Variants in WRAP53 observed in about 807,000 individuals in gnomAD.
WRAP53 encodes the protein WD repeat containing antisense to TP53.
A neutral mutation model predicts 56.6 loss-of-function variants in WRAP53; 28 were observed. That is an observed-to-expected ratio of 0.50 (90% CI 0.37 to 0.68). The LOEUF is 0.68. Ranked by LOEUF, WRAP53 falls within the 30% of genes least tolerant of loss-of-function variation. The probability of loss-of-function intolerance (pLI) is 0.00; values close to 1 mark genes in which losing one functional copy is unlikely to be tolerated. For synonymous variants in WRAP53, 283 were observed against 283.4 expected (o/e 1.00, Z 0.01); for missense variants, 671 against 715.5 (o/e 0.94, Z 0.71).
At chr17:7,686,592 G>T (rs1345024098), upstream of WRAP53, 1 of 152,234 alleles carries the variant, frequency 6.6e-6, no homozygotes, top group Non-Finnish European at 1.5e-5. Context: ...CGGCCTAAAG[G>T]ACATTTTCTC....
Position 7,688,581 on chromosome 17 carries a change from C to T in WRAP53, c.-2+20C>T. On this transcript the variant is annotated intron_variant, in intron 1 of 10. Transcript: ENST00000396463. ...GCACAGGTGGGTTTCTTTAGCTCTG[C>T]GTCGGATCCCTGAGAACTTCGAAGC... 6.4e-7 allele frequency: 1 copy of T among 1,569,264 alleles called. No homozygotes were observed. The highest frequency in any genetic ancestry group is 8.7e-7 in the Non-Finnish European group (1 of 1,151,086).
In WRAP53 at chr17:7,703,062, C is replaced by A; in HGVS notation, c.1338C>A (p.Gly446=). 6.2e-7 allele frequency: 1 copy of A among 1,614,068 alleles called. No individual in the cohort carries two copies. Residue 446 remains glycine, a synonymous_variant, in exon 10 of 11, where the codon GGC becomes GGA. Coordinates refer to ENST00000396463, the MANE Select transcript of WRAP53 (RefSeq NM_001143992.2). ...AVSVWDTDGP[G]NDGKPEPVLS... ...CTGTGTGGGACACGGACGGGCCTGG[C>A]AATGATGGGAAGCCGGAGCCCGTGT...
Position 7,703,048 on chromosome 17 carries a change from A to G in WRAP53, c.1324A>G (p.Thr442Ala), listed in dbSNP as rs2074296761. Reference sequence around the variant, plus strand: ...GAGCGGGGCTGTCTCTGTGTGGGACACGGACGGGCCTGGCAATGATGGGAA... The same window carrying G: ...GAGCGGGGCTGTCTCTGTGTGGGACGCGGACGGGCCTGGCAATGATGGGAA... ...STSGAVSVWD[T>A]DGPGNDGKPE... Residue 442 changes from threonine to alanine, a missense_variant, in exon 10 of 11, where the codon ACG becomes GCG. By Grantham distance (58) the Thr-to-Ala change is moderately conservative. Transcript: ENST00000396463. 1 of 1,613,976 alleles carries G rather than the reference A, an allele frequency of 6.2e-7. No homozygotes were observed. Among genetic ancestry groups the G allele is most frequent in the Non-Finnish European group, 8.5e-7 (1 of 1,180,016 alleles).
intron 4 of WRAP53, among the ~76,000 whole-genome samples, chr17:7,691,833 G>C (rs1296139267): frequency 6.9e-6 from 1 of 145,568 alleles, no homozygotes; most frequent in African/African-American, 2.7e-5. Context: ...CCATGAGAGA[G>C]GTTTTTTTTG....
rs1348320517 is a variant in WRAP53, at chr17:7,699,442, ATATATATATATATATT to A, written c.643-1283_643-1268del. On this transcript the variant is annotated intron_variant, in intron 4 of 10. Transcript: ENST00000396463. ...CTTTAAAATTAAAAAAAAAAAATTTATATATATATATATATTTATATATATATATATATTTATATAT... is the reference window on the plus strand; with the variant it reads ...CTTTAAAATTAAAAAAAAAAAATTTATATATATATATATATATTTATATAT... 5.2e-3 allele frequency among the ~76,000 whole-genome samples: 337 copies of A among 65,372 alleles called. 5 individuals are homozygous for A. Among genetic ancestry groups the A allele is most frequent in the African/African-American group, 0.018 (238 of 13,504 alleles). 42.9% of individuals were successfully genotyped at this position (65,372 alleles called of 152,430 possible).
Position 7,688,786 on chromosome 17 carries a change from A to T in WRAP53, c.138A>T (p.Glu46Asp), listed in dbSNP as rs142177444. The change falls in exon 2 of 11, where the codon GAA becomes GAT. Residue 46 changes from glutamate to aspartate, a missense_variant. Transcript: ENST00000396463. Reference sequence around the variant, plus strand: ...CTGAACTGATGCCACCGCCTCCCGAAAGGGGGGATCCGCCCCGGTTGTCCC... The same window carrying T: ...CTGAACTGATGCCACCGCCTCCCGATAGGGGGGATCCGCCCCGGTTGTCCC... ...ADSELMPPPP[E>D]RGDPPRLSPD... is the part of the protein sequence containing the mutation. 2 of 1,614,114 alleles carry T rather than the reference A, an allele frequency of 1.2e-6. No individual in the cohort carries two copies. Among genetic ancestry groups the T allele is most frequent in the East Asian group, 4.5e-5 (2 of 44,878 alleles).
At position 7,689,092 on chromosome 17, in the gene WRAP53, G is replaced by C; in HGVS notation, c.431+13G>C. 1 of 1,614,094 alleles carries C rather than the reference G, an allele frequency of 6.2e-7. No individual in the cohort carries two copies. The highest frequency in any genetic ancestry group is 2.2e-5 in the East Asian group (1 of 44,888). On this transcript the variant is annotated intron_variant, in intron 2 of 10. Coordinates refer to ENST00000396463, the MANE Select transcript of WRAP53 (RefSeq NM_001143992.2). ...ACGAGGGAGACACGTAAGTGGTGAT[G>C]GCAGTGGAGTGTGGAGTCTGGGGAG...
intron 4 of WRAP53, among the ~76,000 whole-genome samples, chr17:7,691,020 G>T (rs954498611): frequency 6.6e-6 from 1 of 152,010 alleles, no homozygotes; most frequent in African/African-American, 2.4e-5. Context: ...GACCAGCCTG[G>T]CCAACATGGC....
At chr17:7,691,297 G>A (rs1476745765) in intron 4 of WRAP53, among the ~76,000 whole-genome samples, 4 of 152,132 alleles carry the variant, frequency 2.6e-5, no homozygotes, top group South Asian at 2.1e-4. Flanking sequence ...GCAAGTGAGG[G>A]GGACAGAGGG....
rs146651237 is a variant in WRAP53 at position 7,703,360 on chromosome 17, C to T, written c.1521C>T (p.His507=). 1.7e-4 allele frequency: 271 copies of T among 1,614,026 alleles called. 2 individuals carry two copies. The African/African-American group carries it at 3.1e-3, about 19-fold the overall frequency. Residue 507 remains histidine, a synonymous_variant, in exon 11 of 11, where the codon CAC becomes CAT. Transcript: ENST00000396463. ...ELGLPLLSTR[H]VHLECRLQLW... ...GCCTTCCCTTGCTCTCCACGCGCCA[C>T]GTCCACCTTGAATGTCGGCTTCAGC...
Position 7,702,548 on chromosome 17 carries a change from G to C in WRAP53, c.1160G>C (p.Arg387Pro). ...PDGNRFFSGA[R>P]KDAELLCWDL... is the part of the protein sequence containing the mutation. ...GGCAACCGCTTCTTCTCAGGAGCCC[G>C]CAAGGTAGGGGTCACACCCTGAGAG... The change falls in exon 8 of 11, where the codon CGC (arginine) becomes CCC (proline). Residue 387 changes from arginine to proline, a missense_variant. Physicochemically the swap from Arg to Pro is moderately radical, Grantham distance 103. This residue lies in a region of WRAP53 where 158 missense variants were observed against 215.7 expected (regional missense o/e 0.73). Transcript: ENST00000396463. This position sits in a 1 kb window ranked among gnomAD's most constrained non-coding sequence, Gnocchi z 5.0. 1 of 1,607,590 alleles carries C rather than the reference G, an allele frequency of 6.2e-7. No homozygotes were observed. The highest frequency in any genetic ancestry group is 8.5e-7 in the Non-Finnish European group (1 of 1,179,336).
chr17:7,689,496 G>T (rs1160176349), intron 3 of WRAP53, 94 bp from the exon 4 acceptor site: 39 of 1,354,256 alleles, frequency 2.9e-5, no homozygotes, highest in Admixed American at 5.4e-5. Context: ...CAAGGATTCA[G>T]GGGGGCTTAC....
At position 7,689,150 on chromosome 17, in the gene WRAP53, TGAGACCCA is replaced by T. The variant is rs2074068492; in HGVS notation, c.431+72_432-66del. On this transcript the variant is annotated intron_variant, in intron 2 of 10. Transcript: ENST00000396463. ...GTGAGGTCGATCTGTCCTCTGGTCC[TGAGACCCA>T]CTTCTCCAGGCCTCTGCCCCCTTTG... 2.5e-6 allele frequency: 4 copies of T among 1,613,588 alleles called. No homozygotes were observed. In the Admixed American group the frequency reaches 6.7e-5, roughly 27 times the overall value.
At chr17:7,686,173 C>T (rs915702346), upstream of WRAP53, 2 of 152,270 alleles carry the variant, frequency 1.3e-5, no homozygotes, top group African/African-American at 4.8e-5. Flanking sequence ...CGCTTCACGA[C>T]GTTCAGCCTG....
At chr17:7,698,883 T>G (rs1246190445) in intron 4 of WRAP53, among the ~76,000 whole-genome samples, 1 of 149,970 alleles carries the variant, frequency 6.7e-6, no homozygotes, top group Admixed American at 6.7e-5. Flanking sequence ...CAAAAATAAA[T>G]AAATAAATAA....
chr17:7,694,160 G>A (rs8079273), intron 4 of WRAP53, among the ~76,000 whole-genome samples: 8,246 of 151,578 alleles, frequency 0.054, 509 homozygotes, highest in African/African-American at 0.16. Context: ...TCGTGATTAT[G>A]ATATTAATGA....
At chr17:7,699,462 ATATATATATATATT>A (rs2074232536) in intron 4 of WRAP53, among the ~76,000 whole-genome samples, 8 of 18,624 alleles carry the variant, frequency 4.3e-4, no homozygotes, top group African/African-American at 2.5e-3. Context: ...ATATATTTAT[ATATATATATATATT>A]TATATATATA....
At chr17:7,698,399 T>C (rs1487852571) in intron 4 of WRAP53, among the ~76,000 whole-genome samples, 1 of 152,162 alleles carries the variant, frequency 6.6e-6, no homozygotes, top group Admixed American at 6.5e-5. Flanking sequence ...TGGTTAAAGC[T>C]TGCTATCACA....
Position 7,688,754 on chromosome 17 carries a change from G to A in WRAP53, c.106G>A (p.Ala36Thr), listed in dbSNP as rs1162035408. 5 of 1,614,002 alleles carry A rather than the reference G, an allele frequency of 3.1e-6. No individual in the cohort carries two copies. The highest frequency in any genetic ancestry group is 3.4e-6 in the Non-Finnish European group (4 of 1,180,038). Residue 36 changes from alanine to threonine, a missense_variant, in exon 2 of 11, where the codon GCG becomes ACG. Physicochemically the swap from Ala to Thr is moderately conservative, Grantham distance 58. Around this residue, in one of 3 missense-constraint regions of WRAP53, gnomAD observed 406 missense variants for 418.5 expected, o/e 0.97. Transcript: ENST00000396463. ...CCACGCTTCCCCGATGAATAAAAATGCGGACTCTGAACTGATGCCACCGCC... is the reference window on the plus strand; with the variant it reads ...CCACGCTTCCCCGATGAATAAAAATACGGACTCTGAACTGATGCCACCGCC... ...SPHASPMNKN[A>T]DSELMPPPPE... is the part of the protein sequence containing the mutation.
Sources: allele counts gnomAD v4.1 joint callset (sites outside exome capture counted in the v4.1 genomes callset), GRCh38; gene constraint gnomAD v4.1.1; regional missense constraint gnomAD v4.1.1; non-coding constraint Gnocchi (gnomAD v3.1); transcripts MANE v1.5; gene names NCBI Gene and HGNC (gene_info 2026-07-23, HGNC 2026-07-21).